The following SLC24A2 variants were observed in gnomAD, a reference collection of about 807,000 sequenced individuals.
SLC24A2 encodes sodium/potassium/calcium exchanger 2.
A neutral mutation model predicts 62.0 loss-of-function variants in SLC24A2; 36 were observed. That is an observed-to-expected ratio of 0.58 (90% CI 0.44 to 0.77). The LOEUF is 0.77. Ranked by LOEUF, SLC24A2 falls within the 30% of genes least tolerant of loss-of-function variation. The pLI is 0.00. For missense variants in SLC24A2, 846 were observed against 817.9 expected (o/e 1.03, Z -0.42); for synonymous variants, 358 against 294.0 (o/e 1.22, Z -2.23).
At chr9:19,895,097 T>C in the SLC24A2 span, among the ~76,000 whole-genome samples, 2 of 152,186 alleles carry the variant, frequency 1.3e-5, no homozygotes, top group Admixed American at 1.3e-4. Flanking sequence ...ATCACATTCC[T>C]CATGAAAAAC....
chr9:19,849,716 A>G, the SLC24A2 span, among the ~76,000 whole-genome samples: 25 of 152,330 alleles, frequency 1.6e-4, 1 homozygote, highest in South Asian at 5.0e-3. Context: ...CATGTATCCA[A>G]CTAAACGTCT....
the SLC24A2 span, among the ~76,000 whole-genome samples, chr9:19,820,323 T>C: frequency 2.0e-5 from 3 of 150,102 alleles, no homozygotes; most frequent in Admixed American, 2.0e-4. Context: ...AGACTACAAA[T>C]ATGGTGTAGT....
At chr9:20,074,559 A>AAGGAAGGAAGGC in the SLC24A2 span, among the ~76,000 whole-genome samples, 1 of 20,394 alleles carries the variant, frequency 4.9e-5, no homozygotes. Flanking sequence ...AGAAGGCAGG[A>AAGGAAGGAAGGC]AGGAAGGAAG....
the SLC24A2 span, among the ~76,000 whole-genome samples, chr9:20,145,870 C>CTA: frequency 6.6e-6 from 1 of 151,498 alleles, no homozygotes; most frequent in East Asian, 1.9e-4. Context: ...TGGGATTCTG[C>CTA]TATATATATA....
At chr9:19,637,608 G>C (rs1818392494) in intron 2 of SLC24A2, among the ~76,000 whole-genome samples, 1 of 152,206 alleles carries the variant, frequency 6.6e-6, no homozygotes, top group African/African-American at 2.4e-5. Flanking sequence ...GGAAATAAAG[G>C]CATGGAGAAG....
the SLC24A2 span, among the ~76,000 whole-genome samples, chr9:19,851,435 AT>A: frequency 6.6e-6 from 1 of 152,122 alleles, no homozygotes; most frequent in African/African-American, 2.4e-5. Flanking sequence ...CTGTCAACCC[AT>A]CACCTAGGTA....
At chr9:20,239,008 C>T in the SLC24A2 span, among the ~76,000 whole-genome samples, 2 of 152,182 alleles carry the variant, frequency 1.3e-5, no homozygotes, top group Admixed American at 6.5e-5. Flanking sequence ...AGAGAGCTCT[C>T]ACCAGAAACT....
chr9:19,939,998 G>A, the SLC24A2 span, among the ~76,000 whole-genome samples: 16 of 152,226 alleles, frequency 1.1e-4, no homozygotes, highest in Admixed American at 1.0e-3. Context: ...CACTTCAACT[G>A]ATTGAACACT....
chr9:19,889,146 C>G, the SLC24A2 span, among the ~76,000 whole-genome samples: 1 of 152,182 alleles, frequency 6.6e-6, no homozygotes, highest in South Asian at 2.1e-4. Flanking sequence ...CTTCTACCAC[C>G]CAATCTCTGC....
At chr9:20,261,469 C>T in the SLC24A2 span, among the ~76,000 whole-genome samples, 3 of 152,006 alleles carry the variant, frequency 2.0e-5, no homozygotes, top group Non-Finnish European at 4.4e-5. Flanking sequence ...TAACAGCCCA[C>T]TCTCTCCAAA....
At chr9:20,063,383 A>C in the SLC24A2 span, among the ~76,000 whole-genome samples, 2 of 150,704 alleles carry the variant, frequency 1.3e-5, no homozygotes, top group Non-Finnish European at 1.5e-5. Flanking sequence ...TCAGTAAACT[A>C]TTGCAAGAAC....
chr9:20,260,912 G>A, the SLC24A2 span, among the ~76,000 whole-genome samples: 25,115 of 142,084 alleles, frequency 0.18, 3,166 homozygotes, highest in East Asian at 0.54. Context: ...CTGGAGTGCA[G>A]TGGCGTAATC....
chr9:19,547,739 C>T (rs760108080), intron 8 of SLC24A2, among the ~76,000 whole-genome samples: 1 of 151,468 alleles, frequency 6.6e-6, no homozygotes, highest in African/African-American at 2.5e-5. Context: ...ACATGAGGCC[C>T]CTTTTGGGAA....
the SLC24A2 span, among the ~76,000 whole-genome samples, chr9:20,073,000 C>T: frequency 1.3e-5 from 2 of 152,078 alleles, no homozygotes; most frequent in Admixed American, 1.3e-4. Context: ...CACACACAGC[C>T]CCACTCACTA....
intron 2 of SLC24A2, among the ~76,000 whole-genome samples, chr9:19,700,929 G>C (rs1007213639): frequency 6.6e-6 from 1 of 152,100 alleles, no homozygotes; most frequent in African/African-American, 2.4e-5. Context: ...GACTCCAAAG[G>C]TTCGTATGCC....
chr9:20,092,425 C>G, the SLC24A2 span, among the ~76,000 whole-genome samples: 1 of 151,750 alleles, frequency 6.6e-6, no homozygotes, highest in South Asian at 2.1e-4. Context: ...TTCTTAAAAC[C>G]TTATGGGATT....
At chr9:20,225,582 T>TATATATATATATAATATATATTATATATA in the SLC24A2 span, among the ~76,000 whole-genome samples, 2 of 117,690 alleles carry the variant, frequency 1.7e-5, no homozygotes, top group African/African-American at 1.1e-4. Context: ...ATAATTTCAT[T>TATATATATATATAATATATATTATATATA]TAAAGAAAGC....
chr9:19,556,926 G>A (rs1835119762), intron 7 of SLC24A2, among the ~76,000 whole-genome samples: 1 of 152,150 alleles, frequency 6.6e-6, no homozygotes, highest in Non-Finnish European at 1.5e-5. Flanking sequence ...GACAATAATA[G>A]ATCACAACAG....
chr9:19,972,968 G>A, the SLC24A2 span, among the ~76,000 whole-genome samples: 1 of 152,104 alleles, frequency 6.6e-6, no homozygotes, highest in African/African-American at 2.4e-5. Context: ...ATCTTTTGGG[G>A]GGTGGGAAGA....
Sources: allele counts gnomAD v4.1 joint callset (sites outside exome capture counted in the v4.1 genomes callset), GRCh38; gene constraint gnomAD v4.1.1; transcripts MANE v1.5; gene names NCBI Gene and HGNC (gene_info 2026-07-23, HGNC 2026-07-21).